The following IFT56 variants were observed in gnomAD, a reference collection of about 807,000 sequenced individuals.
IFT56 encodes the protein intraflagellar transport protein 56.
the IFT56 span, among the ~76,000 whole-genome samples, chr7:139,169,035 G>A: frequency 6.6e-6 from 1 of 152,184 alleles, no homozygotes; most frequent in Admixed American, 6.5e-5. Flanking sequence ...TTTGTAGAAT[G>A]ATTGAGTTCA....
the IFT56 span, chr7:139,181,196 A>T: frequency 6.2e-7 from 1 of 1,606,242 alleles, no homozygotes; most frequent in Non-Finnish European, 8.5e-7. Context: ...TGACTGCTAC[A>T]AGGTGAGTCT....
chr7:139,167,955 A>G, the IFT56 span, among the ~76,000 whole-genome samples: 1 of 149,938 alleles, frequency 6.7e-6, no homozygotes, highest in South Asian at 2.1e-4. Context: ...AAAAAAAAAA[A>G]TTGGAAAAGA....
At chr7:139,168,034 AACATT>A in the IFT56 span, among the ~76,000 whole-genome samples, 4 of 152,154 alleles carry the variant, frequency 2.6e-5, no homozygotes, top group Non-Finnish European at 5.9e-5. Flanking sequence ...TTATTATATC[AACATT>A]TTACTTTTTT....
chr7:139,168,364 G>C, the IFT56 span: 1 of 1,608,968 alleles, frequency 6.2e-7, no homozygotes, highest in Non-Finnish European at 8.5e-7. Flanking sequence ...TCAAAGGAGT[G>C]GTCAATGCAG....
the IFT56 span, chr7:139,172,480 T>C: frequency 8.9e-5 from 37 of 414,468 alleles, 1 homozygote; most frequent in South Asian, 4.1e-4. Context: ...CTGAGCTAGA[T>C]AGAGGAGTTG....
At chr7:139,187,487 C>CG in the IFT56 span, 1 of 1,614,130 alleles carries the variant, frequency 6.2e-7, no homozygotes, top group East Asian at 2.2e-5. Flanking sequence ...GGAAGGCAAA[C>CG]GGGGTGCCTG....
chr7:139,161,720 C>T, the IFT56 span, among the ~76,000 whole-genome samples: 1 of 152,194 alleles, frequency 6.6e-6, no homozygotes, highest in African/African-American at 2.4e-5. Context: ...CTCCCCTTCT[C>T]TTTATCTCCA....
the IFT56 span, among the ~76,000 whole-genome samples, chr7:139,157,139 C>CTTTTTTTTT: frequency 4.4e-4 from 36 of 82,078 alleles, no homozygotes; most frequent in East Asian, 1.0e-3. Context: ...TCTTTAATTT[C>CTTTTTTTTT]TTTTTTTTTT....
At chr7:139,137,750 T>G in the IFT56 span, 1 of 821,172 alleles carries the variant, frequency 1.2e-6, no homozygotes, top group Non-Finnish European at 1.9e-6. Context: ...AATACTTAGA[T>G]TGCCTGTTGT....
the IFT56 span, among the ~76,000 whole-genome samples, chr7:139,180,561 T>C: frequency 1.3e-5 from 2 of 151,946 alleles, no homozygotes; most frequent in Admixed American, 6.6e-5. Context: ...AATACTAAAA[T>C]TAGCTGGGTG....
chr7:139,140,146 A>G, the IFT56 span: 1 of 561,928 alleles, frequency 1.8e-6, no homozygotes. Context: ...TAGTCCTCAA[A>G]GAATATTGGA....
chr7:139,156,874 A>G, the IFT56 span, among the ~76,000 whole-genome samples: 3 of 152,132 alleles, frequency 2.0e-5, no homozygotes, highest in Non-Finnish European at 2.9e-5. Flanking sequence ...CAGATTTGTA[A>G]TCAAGTTTCA....
At chr7:139,182,620 C>T in the IFT56 span, among the ~76,000 whole-genome samples, 26 of 152,042 alleles carry the variant, frequency 1.7e-4, no homozygotes, top group East Asian at 2.5e-3. Context: ...AGAAGTTAAC[C>T]GTAGTTAGTG....
At chr7:139,153,333 C>T in the IFT56 span, among the ~76,000 whole-genome samples, 1 of 151,796 alleles carries the variant, frequency 6.6e-6, no homozygotes, top group African/African-American at 2.4e-5. Context: ...TGCCTGTCAT[C>T]CCAGCTACAC....
the IFT56 span, among the ~76,000 whole-genome samples, chr7:139,138,811 CTTT>C: frequency 7.3e-5 from 10 of 136,454 alleles, no homozygotes; most frequent in Admixed American, 7.4e-5. Flanking sequence ...TATGGATTTA[CTTT>C]TTTTTTTTTT....
chr7:139,161,013 G>A, the IFT56 span: 1 of 1,613,586 alleles, frequency 6.2e-7, no homozygotes, highest in South Asian at 1.1e-5. Flanking sequence ...AACTCATCAG[G>A]CACAATCTGG....
the IFT56 span, among the ~76,000 whole-genome samples, chr7:139,153,446 C>T: frequency 7.3e-3 from 1,016 of 138,344 alleles, 17 homozygotes; most frequent in African/African-American, 0.025. Context: ...TACTCCGTCT[C>T]AAAAAAAAAA....
chr7:139,173,891 A>G, the IFT56 span: 5 of 702,384 alleles, frequency 7.1e-6, no homozygotes, highest in Non-Finnish European at 1.3e-5. Context: ...TTTTTGTTTG[A>G]AGCTCTGGTT....
At chr7:139,157,648 T>C in the IFT56 span, among the ~76,000 whole-genome samples, 1 of 151,792 alleles carries the variant, frequency 6.6e-6, no homozygotes, top group Non-Finnish European at 1.5e-5. Context: ...GGACTACAGG[T>C]GTATGCCACT....
Sources: gnomAD v4.1 joint callset for allele counts (sites outside exome capture counted in the v4.1 genomes callset) on GRCh38, gnomAD v4.1.1 for gene constraint, MANE v1.5 for transcripts, NCBI Gene and HGNC (gene_info 2026-07-23, HGNC 2026-07-21) for gene names.